Variants in CTDSP2 observed in about 807,000 individuals in gnomAD.
CTDSP2 encodes CTD small phosphatase 2, also known as carboxy-terminal domain RNA polymerase II polypeptide A small phosphatase 2.
In CTDSP2, 9 loss-of-function variants were observed where a neutral mutation model predicts 31.6. That is an observed-to-expected ratio of 0.28 (90% CI 0.17 to 0.50). The LOEUF (loss-of-function observed/expected upper bound fraction) is 0.50, where lower values mean the gene tolerates loss of function less well. Among genes scored for constraint, CTDSP2 ranks in the 20% least tolerant of loss-of-function variants. CTDSP2 has a pLI of 0.98. For missense variants in CTDSP2, 267 were observed against 348.5 expected (o/e 0.77, Z 1.86); for synonymous variants, 134 against 134.5 (o/e 1.00, Z 0.03).
At position 57,829,455 on chromosome 12, in the gene CTDSP2, A is replaced by G. The variant is rs1595189641; in HGVS notation, c.206T>C (p.Ile69Thr). 1 of 1,613,778 alleles carries G rather than the reference A, an allele frequency of 6.2e-7. No homozygotes were observed. ...CCACCCCAACCCACCTACCTTAGCA[A>G]TGGTGTTTGCTTCCTCCTTATACGC... ...LAAYKEEANT[I>T]AKSDLLQCLQ... The change falls in exon 2 of 8, where the codon ATT becomes ACT. Residue 69 changes from isoleucine to threonine, a missense_variant. Transcript: ENST00000398073.
At chr12:57,842,615 C>T (rs976632405) in intron 1 of CTDSP2, 2 of 152,264 alleles carry the variant, frequency 1.3e-5, no homozygotes, top group Admixed American at 1.3e-4. Flanking sequence ...TAAGTCACCA[C>T]GCAGGCTGCA....
intron 4 of CTDSP2, 116 bp downstream of exon 4, chr12:57,826,880 C>T: frequency 1.2e-6 from 1 of 809,528 alleles, no homozygotes; most frequent in South Asian, 1.7e-5. Context: ...AGAGGCCTGG[C>T]CTTTTCCCTT....
intron 1 of CTDSP2, among the ~76,000 whole-genome samples, chr12:57,833,932 A>G (rs1185558250): frequency 6.6e-6 from 1 of 152,144 alleles, no homozygotes; most frequent in Non-Finnish European, 1.5e-5. Flanking sequence ...TACTATTAAC[A>G]CTTTGGTAGG....
chr12:57,829,199 T>C (rs1166298612), intron 2 of CTDSP2, among the ~76,000 whole-genome samples: 2 of 152,224 alleles, frequency 1.3e-5, no homozygotes, highest in Non-Finnish European at 2.9e-5. Flanking sequence ...GCCTAGTTCC[T>C]GGAACCTGGA....
intron 2 of CTDSP2, among the ~76,000 whole-genome samples, chr12:57,828,735 C>T (rs1956198187): frequency 6.6e-6 from 1 of 152,208 alleles, no homozygotes; most frequent in Non-Finnish European, 1.5e-5. Flanking sequence ...ATGTCTTCAG[C>T]CTGGTCTTGA....
intron 2 of CTDSP2, 84 bp from the exon 3 acceptor site, chr12:57,827,674 A>C (rs1002382028): frequency 2.7e-5 from 38 of 1,405,220 alleles, no homozygotes; most frequent in Non-Finnish European, 3.7e-5. Context: ...TTAAGCCTGG[A>C]GGGCAACTTT....
intron 1 of CTDSP2, among the ~76,000 whole-genome samples, chr12:57,839,575 G>A (rs1399523157): frequency 4.6e-5 from 7 of 152,058 alleles, no homozygotes; most frequent in East Asian, 1.9e-4. Context: ...AAAATTAGCC[G>A]GGCGTGGTGG....
chr12:57,829,369 G>T, intron 2 of CTDSP2, 79 bp downstream of exon 2: 3 of 1,524,496 alleles, frequency 2.0e-6, no homozygotes, highest in Non-Finnish European at 2.7e-6. Context: ...AAGCTTCCTT[G>T]TCCGGTTGCC....
At chr12:57,824,376 C>T in intron 5 of CTDSP2, 57 bp from the exon 6 acceptor site, 1 of 1,274,860 alleles carries the variant, frequency 7.8e-7, no homozygotes. Context: ...GTTTGCAGTA[C>T]TGGGTACCTT....
intron 6 of CTDSP2, 39 bp downstream of exon 6, chr12:57,824,188 C>G: frequency 6.2e-7 from 1 of 1,610,380 alleles, no homozygotes; most frequent in South Asian, 1.1e-5. Flanking sequence ...CCGTGGCCAC[C>G]ACACCCACTC....
chr12:57,835,783 G>A (rs1194597615), intron 1 of CTDSP2, among the ~76,000 whole-genome samples: 4 of 152,174 alleles, frequency 2.6e-5, no homozygotes, highest in East Asian at 3.9e-4. Flanking sequence ...CTACTGAGGC[G>A]GGGTGTGAGG....
chr12:57,822,969 TC>T lies in CTDSP2; in HGVS notation c.*632del, dbSNP rs1281440278. On this transcript the variant is annotated 3_prime_UTR_variant, in exon 8 of 8. Transcript: ENST00000398073. ...CTTGGGGAGACATAGAAAAGGCCTA[TC>T]CCAGGCACTCAGCCGGAGGCAAGCA... The T allele has an allele frequency of 6.5e-6, 1 of 153,700 alleles. No homozygotes were observed. The highest frequency in any genetic ancestry group is 1.5e-5 in the Non-Finnish European group (1 of 68,790). 9.5% of individuals were successfully genotyped at this position (153,700 alleles called of 1,614,324 possible).
chr12:57,834,632 C>A (rs924125778), intron 1 of CTDSP2, among the ~76,000 whole-genome samples: 3 of 152,206 alleles, frequency 2.0e-5, no homozygotes, highest in South Asian at 2.1e-4. Context: ...AGAGAGGGAT[C>A]TGAAACTTGT....
At chr12:57,832,926 C>T (rs10877024) in intron 1 of CTDSP2, among the ~76,000 whole-genome samples, 42,714 of 151,852 alleles carry the variant, frequency 0.28, 7,777 homozygotes, top group East Asian at 0.72. Context: ...ACCTTGCCTG[C>T]ATGGCTCACA....
At chr12:57,833,604 T>C (rs1225761929) in intron 1 of CTDSP2, among the ~76,000 whole-genome samples, 5 of 152,232 alleles carry the variant, frequency 3.3e-5, no homozygotes, top group Non-Finnish European at 4.4e-5. Flanking sequence ...CCCAACCCAG[T>C]GCATTCATCA....
chr12:57,840,808 G>A (rs1009179895), intron 1 of CTDSP2, among the ~76,000 whole-genome samples: 3 of 152,220 alleles, frequency 2.0e-5, no homozygotes, highest in Admixed American at 6.5e-5. Context: ...AAATGGAAAT[G>A]TCAGATCCAC....
chr12:57,823,462 TA>T lies in CTDSP2; in HGVS notation c.*139del. 1.0e-6 allele frequency: 1 copy of T among 1,003,892 alleles called. No homozygotes were observed. Among genetic ancestry groups the T allele is most frequent in the Non-Finnish European group, 1.5e-6 (1 of 686,592 alleles). 62.2% of individuals were successfully genotyped at this position (1,003,892 alleles called of 1,614,324 possible). On this transcript the variant is annotated 3_prime_UTR_variant, in exon 8 of 8. Transcript: ENST00000398073. The stretch of plus-strand genomic sequence containing the variant: ...CGCCCACTCGGCATCTAAGCTGTCC[TA>T]AAGCTCTTTCCAGTTACTTCCCGCT...
At chr12:57,839,167 C>G (rs372381171) in intron 1 of CTDSP2, among the ~76,000 whole-genome samples, 3 of 152,186 alleles carry the variant, frequency 2.0e-5, no homozygotes, top group Non-Finnish European at 4.4e-5. Flanking sequence ...CTGCTCCCCC[C>G]ACACCCCTCA....
chr12:57,827,612 T>TCG, intron 2 of CTDSP2, 22 bp from the exon 3 acceptor site: 2 of 1,611,572 alleles, frequency 1.2e-6, no homozygotes, highest in Non-Finnish European at 1.7e-6. Flanking sequence ...AAGGAGGTGG[T>TCG]CAGTGCCATC....
Sources: allele counts gnomAD v4.1 joint callset (sites outside exome capture counted in the v4.1 genomes callset), GRCh38; gene constraint gnomAD v4.1.1; transcripts MANE v1.5; gene names NCBI Gene and HGNC (gene_info 2026-07-23, HGNC 2026-07-21).